HIRA: variants seen among roughly 807,000 people sequenced by gnomAD.
HIRA encodes the protein histone cell cycle regulator.
Under a neutral mutation model 126.6 loss-of-function variants are expected in HIRA, and 13 were observed. That is an observed-to-expected ratio of 0.10 (90% CI 0.07 to 0.16). The LOEUF is 0.16. Ranked by LOEUF, HIRA falls within the 10% of genes least tolerant of loss-of-function variation. HIRA has a pLI of 1.00. For missense variants in HIRA, 834 were observed against 1,314.4 expected, an observed-to-expected ratio of 0.63 and a Z score of 5.65; for synonymous variants, 511 against 520.0, an observed-to-expected ratio of 0.98 and a Z score of 0.24.
intron 24 of HIRA, among the ~76,000 whole-genome samples, chr22:19,346,820 G>A (rs1435927517): frequency 6.6e-6 from 1 of 152,182 alleles, no homozygotes; most frequent in Non-Finnish European, 1.5e-5. Flanking sequence ...GGTGGTAAGC[G>A]GGTGGTACAT....
chr22:19,393,575 C>T (rs1408644246), intron 8 of HIRA, among the ~76,000 whole-genome samples: 2 of 152,078 alleles, frequency 1.3e-5, no homozygotes, highest in Admixed American at 1.3e-4. Flanking sequence ...TCAGGCTGGT[C>T]TTGACCTCCT....
At chr22:19,430,947 T>G (rs906113125) in intron 1 of HIRA, among the ~76,000 whole-genome samples, 1 of 152,130 alleles carries the variant, frequency 6.6e-6, no homozygotes, top group Non-Finnish European at 1.5e-5. Context: ...AACCCTCCTA[T>G]TTAGGGACCA....
intron 3 of HIRA, among the ~76,000 whole-genome samples, 192 bp downstream of exon 3, chr22:19,408,291 A>G (rs1014370666): frequency 6.6e-6 from 1 of 152,160 alleles, no homozygotes; most frequent in Non-Finnish European, 1.5e-5. Context: ...CTGTCCAAAG[A>G]TGGTTCTGTG....
intron 23 of HIRA, among the ~76,000 whole-genome samples, chr22:19,352,359 C>T (rs1232208044): frequency 5.9e-5 from 9 of 152,046 alleles, no homozygotes; most frequent in African/African-American, 1.4e-4. Flanking sequence ...CCAGGGAAGA[C>T]GTGACTAGAG....
chr22:19,431,496 C>CCGG lies in HIRA; in HGVS notation c.-23_-21dup, dbSNP rs761998577. ...CTTCATTGTTCGGCCGCCGCCGCCG[C>CCGG]CGGGCTGAGGCGAGCGCCGGGTCCC... On this transcript the variant is annotated 5_prime_UTR_variant, in exon 1 of 25. Coordinates refer to ENST00000263208, the MANE Select transcript of HIRA (RefSeq NM_003325.4). The CCGG allele has an allele frequency of 8.2e-6, 13 of 1,591,136 alleles. No individual in the cohort carries two copies. The highest frequency in any genetic ancestry group is 1.0e-5 in the Non-Finnish European group (12 of 1,169,760).
intron 9 of HIRA, among the ~76,000 whole-genome samples, chr22:19,388,906 G>A (rs1450670991): frequency 6.6e-6 from 1 of 152,148 alleles, no homozygotes; most frequent in East Asian, 1.9e-4. Context: ...CTCTGAGAGG[G>A]TCTATGGAGC....
chr22:19,368,544 G>A (rs1482195148), intron 15 of HIRA, among the ~76,000 whole-genome samples: 1 of 151,810 alleles, frequency 6.6e-6, no homozygotes, highest in Admixed American at 6.6e-5. Context: ...TAAGCTTTTG[G>A]AACAGTCAAA....
intron 24 of HIRA, among the ~76,000 whole-genome samples, chr22:19,345,046 A>G (rs1556008509): frequency 6.6e-6 from 1 of 152,234 alleles, no homozygotes; most frequent in Admixed American, 6.5e-5. Flanking sequence ...GTAAAAGACT[A>G]AAAGCTTTTC....
intron 15 of HIRA, among the ~76,000 whole-genome samples, chr22:19,367,589 A>G (rs1208443746): frequency 6.6e-6 from 1 of 152,132 alleles, no homozygotes; most frequent in Non-Finnish European, 1.5e-5. Flanking sequence ...GTGGTCTCGA[A>G]TTCCTGACCT....
intron 13 of HIRA, among the ~76,000 whole-genome samples, chr22:19,378,747 T>C (rs1402760005): frequency 6.6e-6 from 1 of 152,254 alleles, no homozygotes; most frequent in Non-Finnish European, 1.5e-5. Flanking sequence ...CTCAAAGAAT[T>C]ATGAAATTCT....
At chr22:19,337,917 A>T (rs12159740) in intron 24 of HIRA, among the ~76,000 whole-genome samples, 61,617 of 151,760 alleles carry the variant, frequency 0.41, 14,272 homozygotes, top group Non-Finnish European at 0.52. Context: ...TCAGCCTCCC[A>T]AGTAGCTGGG....
chr22:19,398,152 G>T (rs1417038195), intron 5 of HIRA, 65 bp from the exon 6 acceptor site: 49 of 1,275,834 alleles, frequency 3.8e-5, no homozygotes, highest in Admixed American at 1.4e-4. Flanking sequence ...TATTAGCTTG[G>T]CCAGTGCCCC....
intron 7 of HIRA, among the ~76,000 whole-genome samples, chr22:19,396,393 G>A (rs1055875960): frequency 2.0e-5 from 3 of 152,180 alleles, no homozygotes; most frequent in African/African-American, 7.2e-5. Flanking sequence ...GTGGGCACCT[G>A]TAATCCCAGC....
chr22:19,363,980 C>T (rs59749080), intron 15 of HIRA, among the ~76,000 whole-genome samples: 13,309 of 152,070 alleles, frequency 0.088, 1,947 homozygotes, highest in African/African-American at 0.3. Flanking sequence ...ACCCGTAAAA[C>T]GTACAACATC....
chr22:19,384,958 G>A (rs2089112556), intron 12 of HIRA, among the ~76,000 whole-genome samples: 2 of 151,962 alleles, frequency 1.3e-5, no homozygotes, highest in African/African-American at 2.4e-5. Context: ...CTGGCCTGAG[G>A]TAGAGATTTT....
intron 6 of HIRA, 68 bp from the exon 7 acceptor site, chr22:19,397,015 TG>T: frequency 6.8e-7 from 1 of 1,468,540 alleles, no homozygotes; most frequent in Non-Finnish European, 9.4e-7. Context: ...CCATGGGCCA[TG>T]GGATGGATAT....
intron 5 of HIRA, among the ~76,000 whole-genome samples, chr22:19,398,346 T>C (rs1173033366): frequency 1.3e-5 from 2 of 152,246 alleles, no homozygotes; most frequent in African/African-American, 4.8e-5. Context: ...ACCACACCCA[T>C]GCATGAGAGC....
At chr22:19,348,300 G>C (rs1556009539) in intron 24 of HIRA, among the ~76,000 whole-genome samples, 1 of 152,020 alleles carries the variant, frequency 6.6e-6, no homozygotes, top group Non-Finnish European at 1.5e-5. Context: ...AAAATAACCA[G>C]GTACATAAGG....
intron 18 of HIRA, among the ~76,000 whole-genome samples, chr22:19,358,832 G>C (rs2146195240): frequency 6.6e-6 from 1 of 152,186 alleles, no homozygotes; most frequent in East Asian, 1.9e-4. Flanking sequence ...CTCACGTACA[G>C]TTCTAGGAAC....
Sources: gnomAD v4.1 joint callset for allele counts (sites outside exome capture counted in the v4.1 genomes callset) on GRCh38, gnomAD v4.1.1 for gene constraint, MANE v1.5 for transcripts, NCBI Gene and HGNC (gene_info 2026-07-23, HGNC 2026-07-21) for gene names.